Variants in JAKMIP1 observed in about 807,000 individuals in gnomAD.
JAKMIP1 encodes janus kinase and microtubule interacting protein 1.
In JAKMIP1, 33 loss-of-function variants were observed where a neutral mutation model predicts 113.0. The observed-to-expected ratio is 0.29, with a 90% CI of 0.22 to 0.39. The LOEUF is 0.39. Ranked by LOEUF, JAKMIP1 falls within the 10% of genes least tolerant of loss-of-function variation. The probability of loss-of-function intolerance (pLI) is 1.00; values close to 1 mark genes in which losing one functional copy is unlikely to be tolerated. For missense variants in JAKMIP1, 813 were observed against 1,080.5 expected, an observed-to-expected ratio of 0.75 and a Z score of 3.47; for synonymous variants, 480 against 459.9, an observed-to-expected ratio of 1.04 and a Z score of -0.56.
In JAKMIP1 at chr4:6,154,902, C is replaced by T. The variant is rs150973191; in HGVS notation, c.-147-41905G>A. On this transcript the variant is annotated intron_variant, in intron 1 of 20. Transcript: ENST00000409021. The surrounding 1 kb of genome is among the most constrained non-coding windows in gnomAD (Gnocchi z 4.2). ...CTCCCACAGGAAGCCCCCTGAGACC[C>T]TCTCACTCCACAAACCAACACAGAG... Among the ~76,000 whole-genome samples the T allele has an allele frequency of 1.3e-5, 2 of 152,220 alleles. No individual in the cohort carries two copies. The highest frequency in any genetic ancestry group is 3.9e-4 in the East Asian group (2 of 5,170).
At chr4:6,053,691 C>A (rs531200922) in intron 13 of JAKMIP1, 2 of 801,886 alleles carry the variant, frequency 2.5e-6, no homozygotes, top group African/African-American at 1.8e-5. Context: ...GAATGCGTAC[C>A]CGGTGACTAC....
At chr4:6,041,978 A>G (rs1349667949) in intron 17 of JAKMIP1, among the ~76,000 whole-genome samples, 181 bp downstream of exon 17, 1 of 152,246 alleles carries the variant, frequency 6.6e-6, no homozygotes, top group Non-Finnish European at 1.5e-5. Flanking sequence ...TCGATGAGTA[A>G]TTGAGCGAGT....
In JAKMIP1 at chr4:6,106,106, C is replaced by T; in HGVS notation, c.130-139G>A. ...TGGGCCCACGTTCCCATGGATTCCCCCTTCGGCAGTGCCCTGCAGGCCTGA... is the reference window on the plus strand; with the variant it reads ...TGGGCCCACGTTCCCATGGATTCCCTCTTCGGCAGTGCCCTGCAGGCCTGA... On this transcript the variant is annotated intron_variant, in intron 2 of 20. Transcript: ENST00000409021. The surrounding 1 kb of genome is among the most constrained non-coding windows in gnomAD (Gnocchi z 5.9). 1.6e-6 allele frequency: 1 copy of T among 619,842 alleles called. No individual in the cohort carries two copies. The highest frequency in any genetic ancestry group is 2.8e-6 in the Non-Finnish European group (1 of 356,136). The allele number at this position is 619,842 out of a possible 1,614,324, so 38.4% of individuals were successfully genotyped here.
chr4:6,068,696 T>C (rs1199910819), intron 8 of JAKMIP1, among the ~76,000 whole-genome samples: 1 of 152,052 alleles, frequency 6.6e-6, no homozygotes, highest in Non-Finnish European at 1.5e-5. Flanking sequence ...TAGCTGGGAT[T>C]ACAGGTGCGT....
In JAKMIP1 at chr4:6,093,022, A is replaced by T. The variant is rs1282931121; in HGVS notation, c.625-7393T>A. On this transcript the variant is annotated intron_variant, in intron 3 of 20. Coordinates refer to ENST00000409021, the MANE Select transcript of JAKMIP1 (RefSeq NM_001099433.2). The surrounding 1 kb of genome is among the most constrained non-coding windows in gnomAD (Gnocchi z 4.6). ...ACTGGGAATCCAAGTATCACATATC[A>T]TCATGGCTATTTTAGAGATATGGTT... Among the ~76,000 whole-genome samples, 1 of 152,230 alleles carries T rather than the reference A, an allele frequency of 6.6e-6. No homozygotes were observed. Among genetic ancestry groups the T allele is most frequent in the Non-Finnish European group, 1.5e-5 (1 of 68,044 alleles).
Position 6,044,361 on chromosome 4 carries a change from G to A in JAKMIP1, c.2029-2134C>T, listed in dbSNP as rs2108759898. Among the ~76,000 whole-genome samples the A allele has an allele frequency of 1.3e-5, 2 of 152,238 alleles. No individual in the cohort carries two copies. The highest frequency in any genetic ancestry group is 6.8e-3 in the Middle Eastern group (2 of 294). On this transcript the variant is annotated intron_variant, in intron 16 of 20. Transcript: ENST00000409021. The surrounding 1 kb of genome is among the most constrained non-coding windows in gnomAD (Gnocchi z 4.4). The stretch of plus-strand genomic sequence containing the variant: ...TGTGCAGGTTGGTGGGGTGTGTGCT[G>A]CCTGAACAGAGGGGACTAGAACTGA...
At position 6,187,334 on chromosome 4, in the gene JAKMIP1, G is replaced by A. The variant is rs1378913370; in HGVS notation, c.-148+12919C>T. Among the ~76,000 whole-genome samples, 1 of 152,112 alleles carries A rather than the reference G, an allele frequency of 6.6e-6. No individual in the cohort carries two copies. The highest frequency in any genetic ancestry group is 1.9e-4 in the East Asian group (1 of 5,200). On this transcript the variant is annotated intron_variant, in intron 1 of 20. Transcript: ENST00000409021. This position sits in a 1 kb window ranked among gnomAD's most constrained non-coding sequence, Gnocchi z 4.2. The stretch of plus-strand genomic sequence containing the variant: ...GCTTTCTTATGGTTGCTATTTACCT[G>A]ATATATTTTTTCTCATCCTTTCACT...
intron 8 of JAKMIP1, among the ~76,000 whole-genome samples, chr4:6,072,605 C>T (rs1339660060): frequency 6.6e-6 from 1 of 152,196 alleles, no homozygotes; most frequent in African/African-American, 2.4e-5. Flanking sequence ...ACTGGTTTCA[C>T]GCAGTCACTA....
chr4:6,091,509 C>T (rs142082811), intron 3 of JAKMIP1, among the ~76,000 whole-genome samples: 89 of 152,302 alleles, frequency 5.8e-4, no homozygotes, highest in African/African-American at 2.1e-3. Flanking sequence ...TATGGGAATA[C>T]CCCCATTTTA....
chr4:6,146,386 G>A (rs989660464), intron 1 of JAKMIP1, among the ~76,000 whole-genome samples: 21 of 152,208 alleles, frequency 1.4e-4, no homozygotes, highest in Non-Finnish European at 2.8e-4. Context: ...TTGACCTCTC[G>A]GGCTCATGTG....
intron 1 of JAKMIP1, among the ~76,000 whole-genome samples, chr4:6,131,173 A>AAAAAAAG (rs71173409): frequency 2.1e-5 from 2 of 95,490 alleles, no homozygotes; most frequent in Admixed American, 1.4e-4. Context: ...AAAAAAAAAA[A>AAAAAAAG]AATATCCCAG....
rs1354554670 is a variant in JAKMIP1, at chr4:6,061,943, G to A, written c.1560+369C>T. Among the ~76,000 whole-genome samples the A allele has an allele frequency of 2.0e-5, 3 of 152,192 alleles. No individual in the cohort carries two copies. The highest frequency in any genetic ancestry group is 7.2e-5 in the African/African-American group (3 of 41,452). On this transcript the variant is annotated intron_variant, in intron 10 of 20. Coordinates refer to ENST00000409021, the MANE Select transcript of JAKMIP1 (RefSeq NM_001099433.2). The surrounding 1 kb of genome is among the most constrained non-coding windows in gnomAD (Gnocchi z 5.3). ...GAGAGTCCCTGCAAGTGTTCTGGTG[G>A]ATGTCCTGGAGGGCGGGGGGCTGGC...
chr4:6,035,127 C>G (rs1713236480), intron 19 of JAKMIP1, among the ~76,000 whole-genome samples: 1 of 152,082 alleles, frequency 6.6e-6, no homozygotes. Context: ...CTCTCTCTCT[C>G]TCTTTCTCTT....
Position 6,069,512 on chromosome 4 carries a change from G to C in JAKMIP1, c.1303-4504C>G, listed in dbSNP as rs1465712085. Among the ~76,000 whole-genome samples, 2 of 152,196 alleles carry C rather than the reference G, an allele frequency of 1.3e-5. No individual in the cohort carries two copies. The highest frequency in any genetic ancestry group is 6.5e-5 in the Admixed American group (1 of 15,284). The stretch of plus-strand genomic sequence containing the variant: ...GCCTGTAATCCCAGCACTTTGGGAG[G>C]CTGAGGCAGAAAGATCGCTTGAGCC... On this transcript the variant is annotated intron_variant, in intron 8 of 20. Transcript: ENST00000409021. This position sits in a 1 kb window ranked among gnomAD's most constrained non-coding sequence, Gnocchi z 4.5.
chr4:6,066,991 AG>A (rs949447063), intron 8 of JAKMIP1, among the ~76,000 whole-genome samples: 2 of 152,072 alleles, frequency 1.3e-5, no homozygotes, highest in African/African-American at 4.8e-5. Context: ...AGATTCCCTT[AG>A]GTCTCTGCAC....
At position 6,181,894 on chromosome 4, in the gene JAKMIP1, C is replaced by A. The variant is rs894909421; in HGVS notation, c.-148+18359G>T. ...GACAGACAGATGTACAGGGAGGGAC[C>A]CGCCCTGGCCTTGGGAGGATGGGTG... On this transcript the variant is annotated intron_variant, in intron 1 of 20. Transcript: ENST00000409021. The surrounding 1 kb of genome is among the most constrained non-coding windows in gnomAD (Gnocchi z 5.4). 6.6e-6 allele frequency among the ~76,000 whole-genome samples: 1 copy of A among 152,016 alleles called. No homozygotes were observed. Among genetic ancestry groups the A allele is most frequent in the African/African-American group, 2.4e-5 (1 of 41,376 alleles).
chr4:6,062,306 A>G lies in JAKMIP1; in HGVS notation c.1560+6T>C. 1 of 1,611,738 alleles carries G rather than the reference A, an allele frequency of 6.2e-7. No homozygotes were observed. Among genetic ancestry groups the G allele is most frequent in the African/African-American group, 1.3e-5 (1 of 74,936 alleles). ...TCCCTCGAGCCCTGAGGCTGGCTGCACTCACCCGGGCCTCCCTCTCAGCGT... is the reference window on the plus strand; with the variant it reads ...TCCCTCGAGCCCTGAGGCTGGCTGCGCTCACCCGGGCCTCCCTCTCAGCGT... On this transcript the variant is annotated splice_donor_region_variant and intron_variant, in intron 10 of 20. Transcript: ENST00000409021.
chr4:6,160,971 TGACCTCCACTCACCTCC>T (rs1722846248), intron 1 of JAKMIP1, among the ~76,000 whole-genome samples: 1 of 124,092 alleles, frequency 8.1e-6, no homozygotes, highest in Non-Finnish European at 1.7e-5. Flanking sequence ...CTCACCTCCC[TGACCTCCACTCACCTCC>T]CTGACCTCCA....
intron 1 of JAKMIP1, among the ~76,000 whole-genome samples, chr4:6,127,957 T>C (rs984403829): frequency 6.6e-6 from 1 of 152,140 alleles, no homozygotes; most frequent in African/African-American, 2.4e-5. Flanking sequence ...GATCGGGAAG[T>C]TCCCATCCCA....
Sources: allele counts gnomAD v4.1 joint callset (sites outside exome capture counted in the v4.1 genomes callset), GRCh38; gene constraint gnomAD v4.1.1; non-coding constraint Gnocchi (gnomAD v3.1); transcripts MANE v1.5; gene names NCBI Gene and HGNC (gene_info 2026-07-23, HGNC 2026-07-21).